The following ORM2 variants were observed in gnomAD, a reference collection of about 807,000 sequenced individuals.
ORM2 encodes alpha-1-acid glycoprotein 2.
Under a neutral mutation model 26.8 loss-of-function variants are expected in ORM2, and 19 were observed. The ratio of observed to expected loss-of-function variants is 0.71; its 90% confidence interval spans 0.49 to 1.04. The LOEUF (loss-of-function observed/expected upper bound fraction) is 1.04. Ranked by LOEUF, ORM2 falls within the 50% of genes least tolerant of loss-of-function variation. The probability of loss-of-function intolerance (pLI) is 0.00; values close to 1 mark genes in which losing one functional copy is unlikely to be tolerated. For synonymous variants in ORM2, 94 were observed against 100.0 expected, an observed-to-expected ratio of 0.94 and a Z score of 0.36; for missense variants, 259 against 244.9, an observed-to-expected ratio of 1.06 and a Z score of -0.39.
chr9:114,330,971 C>T, intron 3 of ORM2, 109 bp downstream of exon 3: 2 of 857,460 alleles, frequency 2.3e-6, no homozygotes, highest in South Asian at 3.1e-5. Flanking sequence ...GAGAAATAAC[C>T]ACTAACATTT....
chr9:114,330,531 C>G lies in ORM2; in HGVS notation c.212C>G (p.Pro71Arg), dbSNP rs778550423. The change falls in exon 2 of 6, where the codon CCC becomes CGC. Residue 71 changes from proline (P) to arginine (R), a missense_variant. Around this residue, in one of 2 missense-constraint regions of ORM2, gnomAD observed 251 missense variants for 220.5 expected, o/e 1.14. Transcript: ENST00000431067. Reference protein sequence around the residue: ...EIQATFFYFTPNKTEDTIFLR... With the variant: ...EIQATFFYFTRNKTEDTIFLR... ...CAAGCAACCTTCTTTTACTTTACCCCCAACAAGACAGAGGACACGATCTTT... is the reference window on the plus strand; with the variant it reads ...CAAGCAACCTTCTTTTACTTTACCCGCAACAAGACAGAGGACACGATCTTT... The G allele has an allele frequency of 1.2e-6, 2 of 1,612,478 alleles. No individual in the cohort carries two copies. Among genetic ancestry groups the G allele is most frequent in the South Asian group, 2.2e-5 (2 of 91,044 alleles).
In ORM2 at chr9:114,331,840, A is replaced by C; in HGVS notation, c.451A>C (p.Thr151Pro). ...TCCCCCTGCAGCTGACAAGCCAGAG[A>C]CGACCAAGGAGCAACTGGGAGAGTT... ...GLSFYADKPETTKEQLGEFYE... is the reference protein window; with the variant it reads ...GLSFYADKPEPTKEQLGEFYE... The change falls in exon 5 of 6, where the codon ACG becomes CCG. Residue 151 changes from threonine to proline, a missense_variant. Coordinates refer to ENST00000431067, the MANE Select transcript of ORM2 (RefSeq NM_000608.4). 6.2e-7 allele frequency: 1 copy of C among 1,613,730 alleles called. No homozygotes were observed. Among genetic ancestry groups the C allele is most frequent in the Non-Finnish European group, 8.5e-7 (1 of 1,179,842 alleles).
chr9:114,330,074 G>A, intron 1 of ORM2, 56 bp downstream of exon 1: 1 of 1,611,084 alleles, frequency 6.2e-7, no homozygotes, highest in Non-Finnish European at 8.5e-7. Flanking sequence ...TCCCTTCTCT[G>A]GGCTTCCCTT....
chr9:114,330,083 T>C, intron 1 of ORM2, 65 bp downstream of exon 1: 1 of 1,611,662 alleles, frequency 6.2e-7, no homozygotes, highest in Non-Finnish European at 8.5e-7. Flanking sequence ...TGGGCTTCCC[T>C]TTACCTGCTG....
chr9:114,330,134 T>G, intron 1 of ORM2, 116 bp downstream of exon 1: 1 of 1,576,806 alleles, frequency 6.3e-7, no homozygotes, highest in Middle Eastern at 1.7e-4. Flanking sequence ...CCTTTTTCTC[T>G]TCTGGGTCCC....
intron 1 of ORM2, 27 bp downstream of exon 1, chr9:114,330,045 G>A: frequency 3.1e-6 from 5 of 1,605,198 alleles, no homozygotes; most frequent in Non-Finnish European, 4.2e-6. Flanking sequence ...GCCCTGTCCT[G>A]AGCACATGGG....
At chr9:114,330,752 T>C in intron 2 of ORM2, 40 bp from the exon 3 acceptor site, 1 of 1,608,146 alleles carries the variant, frequency 6.2e-7, no homozygotes. Flanking sequence ...TTCTCCTCGA[T>C]AACATTACTG....
intron 2 of ORM2, 71 bp downstream of exon 2, chr9:114,330,647 T>A: frequency 1.9e-6 from 3 of 1,598,838 alleles, no homozygotes; most frequent in Non-Finnish European, 1.7e-6. Flanking sequence ...TCCCTCCTTC[T>A]TCCTGGCCTT....
At chr9:114,330,259 GC>G (rs1564607194) in intron 1 of ORM2, 174 bp from the exon 2 acceptor site, 10 of 770,858 alleles carry the variant, frequency 1.3e-5, no homozygotes, top group Non-Finnish European at 2.3e-5. Context: ...GCCTGGAGGG[GC>G]TGCCTGGGGG....
In ORM2 at chr9:114,330,841, A is replaced by G; in HGVS notation, c.307A>G (p.Asn103Asp). ...CAGTTACCTGAATGTCCAGCGGGAG[A>G]ATGGGACCGTCTCCAGATACGGTGA... ...NSSYLNVQRE[N>D]GTVSRYEGGR... The change falls in exon 3 of 6, where the codon AAT becomes GAT. Residue 103 changes from asparagine to aspartate, a missense_variant. Physicochemically the swap from Asn to Asp is conservative, Grantham distance 23 (BLOSUM62 1). Around this residue, in one of 2 missense-constraint regions of ORM2, gnomAD observed 251 missense variants for 220.5 expected, o/e 1.14. Transcript: ENST00000431067. The G allele has an allele frequency of 6.2e-7, 1 of 1,613,886 alleles. No homozygotes were observed. Among genetic ancestry groups the G allele is most frequent in the South Asian group, 1.1e-5 (1 of 91,068 alleles).
chr9:114,330,492 C>T lies in ORM2; in HGVS notation c.173C>T (p.Ser58Leu), dbSNP rs762265516. ...SAFRNEEYNK[S>L]VQEIQATFFY... ...TTTCGAAACGAGGAGTACAATAAGT[C>T]GGTTCAGGAGATCCAAGCAACCTTC... The change falls in exon 2 of 6, where the codon TCG becomes TTG. Residue 58 changes from serine to leucine, a missense_variant. Ser to Leu is a moderately radical substitution (Grantham distance 145). Transcript: ENST00000431067. 33 of 1,611,286 alleles carry T rather than the reference C, an allele frequency of 2.0e-5. No homozygotes were observed. Among genetic ancestry groups the T allele is most frequent in the East Asian group, 4.5e-5 (2 of 44,882 alleles).
rs760444413 is a variant in ORM2 at position 114,331,570 on chromosome 9, G to A, written c.332G>A (p.Gly111Glu). ...RENGTVSRYE[G>E]GREHVAHLLF... ...AGAGGCTCTTTTTCTCTTCCAGAGGGAGGCCGAGAACATGTTGCTCACCTG... is the reference window on the plus strand; with the variant it reads ...AGAGGCTCTTTTTCTCTTCCAGAGGAAGGCCGAGAACATGTTGCTCACCTG... Residue 111 changes from glycine (G) to glutamate (E), a missense_variant, in exon 4 of 6, where the codon GGA (glycine) becomes GAA (glutamate). By Grantham distance (98) the Gly-to-Glu change is moderately conservative (BLOSUM62 -2). This residue lies in a region of ORM2 where 251 missense variants were observed against 220.5 expected (regional missense o/e 1.14). Transcript: ENST00000431067. 27 of 1,612,892 alleles carry A rather than the reference G, an allele frequency of 1.7e-5. No individual in the cohort carries two copies. Among genetic ancestry groups the A allele is most frequent in the Non-Finnish European group, 2.1e-5 (25 of 1,179,206 alleles).
chr9:114,330,645 T>C (rs1829835665), intron 2 of ORM2, 69 bp downstream of exon 2: 1 of 1,599,462 alleles, frequency 6.3e-7, no homozygotes, highest in Non-Finnish European at 8.6e-7. Context: ...AGTCCCTCCT[T>C]CTTCCTGGCC....
At chr9:114,330,268 G>A in intron 1 of ORM2, 166 bp from the exon 2 acceptor site, 2 of 793,810 alleles carry the variant, frequency 2.5e-6, no homozygotes, top group South Asian at 1.5e-5. Context: ...GGCTGCCTGG[G>A]GGGCAATGAC....
intron 2 of ORM2, 42 bp downstream of exon 2, chr9:114,330,618 G>A (rs778265695): frequency 1.9e-6 from 3 of 1,607,840 alleles, no homozygotes; most frequent in South Asian, 2.2e-5. Flanking sequence ...TCAGCTTCTG[G>A]CCAGAAGACC....
At chr9:114,331,726 C>T (rs769464069) in intron 4 of ORM2, 52 bp downstream of exon 4, 11 of 1,585,384 alleles carry the variant, frequency 6.9e-6, no homozygotes, top group Non-Finnish European at 9.5e-6. Flanking sequence ...CCTCACCCCC[C>T]ATTCACCCAC....
chr9:114,330,888 G>T, intron 3 of ORM2, 26 bp downstream of exon 3: 1 of 1,599,140 alleles, frequency 6.3e-7, no homozygotes. Context: ...CAGGCAGGAG[G>T]GTTCACCGTG....
At position 114,330,415 on chromosome 9, in the gene ORM2, G is replaced by A; in HGVS notation, c.115-19G>A. On this transcript the variant is annotated intron_variant, in intron 1 of 5. Coordinates refer to ENST00000431067, the MANE Select transcript of ORM2 (RefSeq NM_000608.4). ...ATTCAGCATCAAGCCCCCATCACCA[G>A]CTCCCCCCTTCTCCCCAGATCACTG... is the stretch of plus-strand genomic sequence containing the variant. The A allele has an allele frequency of 6.4e-7, 1 of 1,552,406 alleles. No homozygotes were observed. The highest frequency in any genetic ancestry group is 8.8e-7 in the Non-Finnish European group (1 of 1,142,856).
chr9:114,331,550 C>T lies in ORM2; in HGVS notation c.329-17C>T, dbSNP rs370140383. ...GCCATCCCATGTTCTCACCCAGAGG[C>T]TCTTTTTCTCTTCCAGAGGGAGGCC... is the stretch of plus-strand genomic sequence containing the variant. On this transcript the variant is annotated splice_polypyrimidine_tract_variant and intron_variant, in intron 3 of 5. Transcript: ENST00000431067. 4 of 1,599,930 alleles carry T rather than the reference C, an allele frequency of 2.5e-6. No individual in the cohort carries two copies. In the South Asian group the frequency reaches 3.3e-5, roughly 13 times the overall value.
Sources: allele counts gnomAD v4.1 joint callset, GRCh38; gene constraint gnomAD v4.1.1; regional missense constraint gnomAD v4.1.1; transcripts MANE v1.5; gene names NCBI Gene and HGNC (gene_info 2026-07-23, HGNC 2026-07-21).